The following TMEM184C variants were observed in gnomAD, a reference collection of about 807,000 sequenced individuals.
TMEM184C encodes transmembrane protein 184C, also known as transmembrane protein 34.
TMEM184C carries 25 observed loss-of-function variants against 54.5 expected under a neutral mutation model. The ratio of observed to expected loss-of-function variants is 0.46; its 90% CI spans 0.33 to 0.64. The LOEUF is 0.64. Ranked by LOEUF, TMEM184C falls within the 30% of genes least tolerant of loss-of-function variation. The probability of loss-of-function intolerance (pLI) is 0.02; values close to 1 mark genes in which losing one functional copy is unlikely to be tolerated. For missense variants in TMEM184C, 335 were observed against 520.3 expected (o/e 0.64, Z 3.46); for synonymous variants, 148 against 181.5 (o/e 0.82, Z 1.49).
chr4:147,622,214 A>T (rs1347103407), intron 1 of TMEM184C, among the ~76,000 whole-genome samples: 2 of 151,960 alleles, frequency 1.3e-5, no homozygotes, highest in Non-Finnish European at 2.9e-5. Context: ...AAGTGTTGGG[A>T]TTACAGGCAT....
In TMEM184C at chr4:147,635,520, A is replaced by C. The variant is rs1256748139; in HGVS notation, c.*1086A>C. On this transcript the variant is annotated 3_prime_UTR_variant, in exon 10 of 10. Coordinates refer to ENST00000296582, the MANE Select transcript of TMEM184C (RefSeq NM_018241.3). Reference sequence around the variant, plus strand: ...GGGTCATGTTTGACATTTTATAATGAAAATAAAACAGAAAGTGCCATAGTA... The same window carrying C: ...GGGTCATGTTTGACATTTTATAATGCAAATAAAACAGAAAGTGCCATAGTA... 6.6e-6 allele frequency: 1 copy of C among 152,230 alleles called. No individual in the cohort carries two copies. The highest frequency in any genetic ancestry group is 2.4e-5 in the African/African-American group (1 of 41,468). The allele number at this position is 152,230 out of a possible 1,614,324, so 9.4% of individuals were successfully genotyped here.
chr4:147,634,358 C>T lies in TMEM184C; in HGVS notation c.1241C>T (p.Ala414Val). ...ACTCCCCAGACTACACCTACCACAG[C>T]TAAGATATCTGATGAAATCCTTAGT... ...TVTPQTTPTT[A>V]KISDEILSDT... Residue 414 changes from alanine to valine, a missense_variant, in exon 10 of 10, where the codon GCT (alanine) becomes GTT (valine). Transcript: ENST00000296582. The T allele has an allele frequency of 6.2e-7, 1 of 1,614,132 alleles. No homozygotes were observed. The highest frequency in any genetic ancestry group is 1.1e-5 in the South Asian group (1 of 91,084).
Position 147,634,729 on chromosome 4 carries a change from T to TTC in TMEM184C, c.*296_*297insCT. The TTC allele has an allele frequency of 6.2e-4, 1 of 1,620 alleles. No homozygotes were observed. Among genetic ancestry groups the TTC allele is most frequent in the East Asian group, 3.1e-3 (1 of 326 alleles). The allele number at this position is 1,620 out of a possible 1,614,324, so 0.1% of individuals were successfully genotyped here. A position where few individuals can be genotyped will look rare whatever the true frequency, so the allele number is the denominator to read the frequency against. On this transcript the variant is annotated 3_prime_UTR_variant, in exon 10 of 10. Coordinates refer to ENST00000296582, the MANE Select transcript of TMEM184C (RefSeq NM_018241.3). ...ACACTGCTTTATCAAGAGGATGGACTTTTTTTTTTTTGAGACAGACAGAGT... is the reference window on the plus strand; with the variant it reads ...ACACTGCTTTATCAAGAGGATGGACTTCTTTTTTTTTTTGAGACAGACAGAGT...
intron 1 of TMEM184C, 63 bp downstream of exon 1, chr4:147,618,142 G>A (rs1273550990): frequency 8.1e-6 from 13 of 1,606,880 alleles, no homozygotes; most frequent in Admixed American, 5.0e-5. Flanking sequence ...TTGGGAAAGA[G>A]ACACCCTTAC....
rs1733013943 is a variant in TMEM184C at position 147,635,623 on chromosome 4, A to G, written c.*1189A>G. The G allele has an allele frequency of 6.6e-6, 1 of 152,194 alleles. No individual in the cohort carries two copies. The allele number at this position is 152,194 out of a possible 1,614,324, so 9.4% of individuals were successfully genotyped here. On this transcript the variant is annotated 3_prime_UTR_variant, in exon 10 of 10. Coordinates refer to ENST00000296582, the MANE Select transcript of TMEM184C (RefSeq NM_018241.3). The stretch of plus-strand genomic sequence containing the variant: ...TTTATACACATACTCATTCATATCT[A>G]TCTATATATATAGAGAGAGATAGTG...
chr4:147,625,126 T>A, intron 4 of TMEM184C, 117 bp downstream of exon 4: 1 of 936,848 alleles, frequency 1.1e-6, no homozygotes, highest in Non-Finnish European at 1.6e-6. Flanking sequence ...GAACAATAAG[T>A]ATAAGACAGC....
intron 6 of TMEM184C, among the ~76,000 whole-genome samples, chr4:147,630,949 T>C (rs1732905676): frequency 6.6e-6 from 1 of 152,156 alleles, no homozygotes; most frequent in South Asian, 2.1e-4. Flanking sequence ...TTTGATTCTT[T>C]ACATTCAGAT....
intron 4 of TMEM184C, among the ~76,000 whole-genome samples, chr4:147,627,769 C>T (rs1044975045): frequency 2.0e-5 from 3 of 148,754 alleles, no homozygotes; most frequent in Non-Finnish European, 4.4e-5. Flanking sequence ...TGGTGGTATG[C>T]AGATATAGTT....
Position 147,634,534 on chromosome 4 carries a change from C to T in TMEM184C, c.*100C>T, listed in dbSNP as rs1732978152. ...ACAGACCATAAATGATGGAAAATGTCAACACAAAAATAGCTGAAAGCCAGG... is the reference window on the plus strand; with the variant it reads ...ACAGACCATAAATGATGGAAAATGTTAACACAAAAATAGCTGAAAGCCAGG... On this transcript the variant is annotated 3_prime_UTR_variant, in exon 10 of 10. Coordinates refer to ENST00000296582, the MANE Select transcript of TMEM184C (RefSeq NM_018241.3). 20 of 1,383,812 alleles carry T rather than the reference C, an allele frequency of 1.4e-5. No individual in the cohort carries two copies. Among genetic ancestry groups the T allele is most frequent in the Non-Finnish European group, 1.8e-5 (18 of 1,024,986 alleles). 85.7% of individuals were successfully genotyped at this position (1,383,812 alleles called of 1,614,324 possible).
At chr4:147,624,759 T>C (rs748454095) in intron 3 of TMEM184C, 45 bp from the exon 4 acceptor site, 18 of 1,587,598 alleles carry the variant, frequency 1.1e-5, no homozygotes, top group Non-Finnish European at 1.6e-5. Flanking sequence ...GGTGATTCAT[T>C]TTATCTTAGC....
intron 5 of TMEM184C, 124 bp downstream of exon 5, chr4:147,628,559 A>C (rs1043791172): frequency 5.3e-6 from 4 of 758,882 alleles, no homozygotes; most frequent in Non-Finnish European, 8.6e-6. Context: ...GTTGTAAAAA[A>C]AAACACTGTA....
At position 147,635,356 on chromosome 4, in the gene TMEM184C, G is replaced by T. The variant is rs1733001774; in HGVS notation, c.*922G>T. 7 of 152,090 alleles carry T rather than the reference G, an allele frequency of 4.6e-5. No homozygotes were observed. Among genetic ancestry groups the T allele is most frequent in the Admixed American group, 3.3e-4 (5 of 15,268 alleles). 9.4% of individuals were successfully genotyped at this position (152,090 alleles called of 1,614,324 possible). A position where few individuals can be genotyped will look rare whatever the true frequency, so the allele number is the denominator to read the frequency against. On this transcript the variant is annotated 3_prime_UTR_variant, in exon 10 of 10. Coordinates refer to ENST00000296582, the MANE Select transcript of TMEM184C (RefSeq NM_018241.3). The stretch of plus-strand genomic sequence containing the variant: ...TCTACTTTTCATCAGTGCTATTAAA[G>T]GTGGCAGCAAATGTAAATCTTGGCT...
intron 6 of TMEM184C, among the ~76,000 whole-genome samples, chr4:147,630,415 G>C (rs1732896145): frequency 6.6e-6 from 1 of 151,984 alleles, no homozygotes; most frequent in Non-Finnish European, 1.5e-5. Context: ...TCTGTTTCTG[G>C]GAATGTATTC....
rs1386565659 is a variant in TMEM184C, at chr4:147,634,273, A to G, written c.1156A>G (p.Ile386Val). The G allele has an allele frequency of 1.2e-6, 2 of 1,614,180 alleles. No individual in the cohort carries two copies. Among genetic ancestry groups the G allele is most frequent in the African/African-American group, 1.3e-5 (1 of 75,038 alleles). Residue 386 changes from isoleucine to valine, a missense_variant, in exon 10 of 10, where the codon ATT becomes GTT. By Grantham distance (29) the Ile-to-Val change is conservative. Coordinates refer to ENST00000296582, the MANE Select transcript of TMEM184C (RefSeq NM_018241.3). Reference sequence around the variant, plus strand: ...ATCATCATCACAAGATGCAATTTCCATTGCTTCTTCTATGCCACCTTCACC... The same window carrying G: ...ATCATCATCACAAGATGCAATTTCCGTTGCTTCTTCTATGCCACCTTCACC... ...LSSSSQDAIS[I>V]ASSMPPSPMG...
At position 147,623,872 on chromosome 4, in the gene TMEM184C, C is replaced by CT; in HGVS notation, c.167dup (p.Leu56PhefsTer23). 2.5e-6 allele frequency: 4 copies of CT among 1,613,942 alleles called. No individual in the cohort carries two copies. The highest frequency in any genetic ancestry group is 3.4e-6 in the Non-Finnish European group (4 of 1,179,926). On this transcript the variant is annotated frameshift_variant, in exon 2 of 10. Coordinates refer to ENST00000296582, the MANE Select transcript of TMEM184C (RefSeq NM_018241.3). LOFTEE classifies it high-confidence loss of function. Reference sequence around the variant, plus strand: ...CCAAGGCTTGGTTTATTGCTGGAATCTTTTTGCTGTTGACTATTCCTATAT... The same window carrying CT: ...CCAAGGCTTGGTTTATTGCTGGAATCTTTTTTGCTGTTGACTATTCCTATAT...
At chr4:147,618,160 C>T in intron 1 of TMEM184C, 81 bp downstream of exon 1, 2 of 1,587,014 alleles carry the variant, frequency 1.3e-6, no homozygotes, top group Non-Finnish European at 1.7e-6. Context: ...TACCCCATTT[C>T]TGCCCTGACA....
At chr4:147,619,674 AG>A (rs993510728) in intron 1 of TMEM184C, among the ~76,000 whole-genome samples, 3 of 152,212 alleles carry the variant, frequency 2.0e-5, no homozygotes, top group African/African-American at 7.2e-5. Flanking sequence ...ACCACTTTAA[AG>A]GTTAATAATA....
At position 147,629,608 on chromosome 4, in the gene TMEM184C, G is replaced by A; in HGVS notation, c.582G>A (p.Glu194=). 1 of 1,590,796 alleles carries A rather than the reference G, an allele frequency of 6.3e-7. No homozygotes were observed. The highest frequency in any genetic ancestry group is 8.5e-7 in the Non-Finnish European group (1 of 1,170,888). ...PFTTIVALIC[E]LLGIYDEGNF... is the part of the protein sequence containing the mutation. Reference sequence around the variant, plus strand: ...TTTTTACTATTTTTAGAATCTGTGAGCTGCTTGGTATATATGACGAAGGGA... The same window carrying A: ...TTTTTACTATTTTTAGAATCTGTGAACTGCTTGGTATATATGACGAAGGGA... Residue 194 remains glutamate, a synonymous_variant, in exon 6 of 10, where the codon GAG becomes GAA. Coordinates refer to ENST00000296582, the MANE Select transcript of TMEM184C (RefSeq NM_018241.3).
intron 7 of TMEM184C, among the ~76,000 whole-genome samples, chr4:147,631,997 T>G (rs1732924858): frequency 6.6e-6 from 1 of 151,670 alleles, no homozygotes; most frequent in South Asian, 2.1e-4. Flanking sequence ...CTGGCCAACA[T>G]GGCTAGTCTC....
Sources: allele counts gnomAD v4.1 joint callset (sites outside exome capture counted in the v4.1 genomes callset), GRCh38; gene constraint gnomAD v4.1.1; transcripts MANE v1.5; gene names NCBI Gene and HGNC (gene_info 2026-07-23, HGNC 2026-07-21).